The following CAST variants were observed in gnomAD, a reference collection of about 807,000 sequenced individuals.
CAST encodes the protein calpastatin, also known as MIR583 host.
CAST carries 76 observed loss-of-function variants against 119.6 expected under a neutral mutation model. That is an observed-to-expected ratio of 0.64 (90% CI 0.53 to 0.77). CAST has a LOEUF of 0.77. Among genes scored for constraint, CAST ranks in the 30% least tolerant of loss-of-function variants. The pLI, the probability that CAST is intolerant of heterozygous loss-of-function variation, is 0.00. For missense variants in CAST, 953 were observed against 946.5 expected, an observed-to-expected ratio of 1.01 and a Z score of -0.09; for synonymous variants, 319 against 331.6, an observed-to-expected ratio of 0.96 and a Z score of 0.41.
At chr5:96,541,486 G>A (rs1465790552) in intron 1 of CAST, among the ~76,000 whole-genome samples, 2 of 151,980 alleles carry the variant, frequency 1.3e-5, no homozygotes, top group African/African-American at 2.4e-5. Context: ...TTTTTAATTT[G>A]CATACATGAA....
chr5:96,371,078 G>T, the CAST span, among the ~76,000 whole-genome samples: 1 of 152,198 alleles, frequency 6.6e-6, no homozygotes, highest in Non-Finnish European at 1.5e-5. Flanking sequence ...GCAGACCCCA[G>T]TTACAAAGGA....
chr5:96,182,367 C>T, the CAST span, among the ~76,000 whole-genome samples: 3 of 152,198 alleles, frequency 2.0e-5, no homozygotes, highest in African/African-American at 7.2e-5. Context: ...GCATGAGTTT[C>T]CCCTTTGGAA....
intron 1 of CAST, among the ~76,000 whole-genome samples, chr5:96,589,180 A>G (rs1359602669): frequency 6.6e-6 from 1 of 152,164 alleles, no homozygotes; most frequent in Non-Finnish European, 1.5e-5. Flanking sequence ...CCCACTCTTC[A>G]ATTTATGTTC....
chr5:96,154,143 T>A, the CAST span, among the ~76,000 whole-genome samples: 1 of 151,952 alleles, frequency 6.6e-6, no homozygotes, highest in Non-Finnish European at 1.5e-5. Flanking sequence ...CCGGGTGTGG[T>A]GGCGGGTGCC....
chr5:96,626,197 A>T (rs564981676), intron 1 of CAST, among the ~76,000 whole-genome samples: 5 of 152,324 alleles, frequency 3.3e-5, no homozygotes, highest in Non-Finnish European at 7.4e-5. Context: ...AGGGGCCTGT[A>T]GCCTTTGGAG....
the CAST span, among the ~76,000 whole-genome samples, chr5:96,331,035 G>A: frequency 6.6e-6 from 1 of 151,680 alleles, no homozygotes; most frequent in South Asian, 2.1e-4. Context: ...AAATAATCTA[G>A]GACAACAGTT....
intron 27 of CAST, among the ~76,000 whole-genome samples, chr5:96,766,773 A>G: frequency 6.6e-6 from 1 of 152,348 alleles, no homozygotes; most frequent in African/African-American, 2.4e-5. Flanking sequence ...GATGATAAAT[A>G]ACCCTTTCCA....
chr5:96,218,360 C>T, the CAST span, among the ~76,000 whole-genome samples: 571 of 152,306 alleles, frequency 3.7e-3, 3 homozygotes, highest in African/African-American at 0.013. Flanking sequence ...GCAGAAGGGG[C>T]TGGCTGACAT....
the CAST span, among the ~76,000 whole-genome samples, chr5:96,006,138 A>T: frequency 5.3e-5 from 8 of 152,286 alleles, no homozygotes; most frequent in African/African-American, 1.7e-4. Context: ...TTGGATTATG[A>T]CTGTGCAAGT....
chr5:96,130,195 G>A, the CAST span, among the ~76,000 whole-genome samples: 1 of 151,740 alleles, frequency 6.6e-6, no homozygotes, highest in Non-Finnish European at 1.5e-5. Context: ...AAGTCATGTT[G>A]ATAGAATGTA....
At chr5:96,361,954 A>G in the CAST span, among the ~76,000 whole-genome samples, 2 of 151,284 alleles carry the variant, frequency 1.3e-5, no homozygotes, top group African/African-American at 2.4e-5. Context: ...CATTTACATT[A>G]GGTATATCTC....
the CAST span, among the ~76,000 whole-genome samples, chr5:96,229,812 C>T: frequency 6.6e-6 from 1 of 151,796 alleles, no homozygotes; most frequent in East Asian, 1.9e-4. Context: ...ATTCAAAATC[C>T]CTATGATCAT....
intron 1 of CAST, among the ~76,000 whole-genome samples, chr5:96,618,987 A>G (rs972299294): frequency 2.0e-5 from 3 of 152,066 alleles, no homozygotes; most frequent in African/African-American, 7.2e-5. Context: ...TGCACCAATC[A>G]GCACTCTGTA....
the CAST span, among the ~76,000 whole-genome samples, chr5:96,297,867 C>A: frequency 6.6e-6 from 1 of 152,110 alleles, no homozygotes; most frequent in Non-Finnish European, 1.5e-5. Context: ...ATATGCAGAA[C>A]AATTTCTAAA....
chr5:96,765,159 C>A, intron 25 of CAST, 62 bp from the exon 26 acceptor site: 2 of 930,128 alleles, frequency 2.2e-6, no homozygotes, highest in South Asian at 1.4e-5. Flanking sequence ...AGTTCCTGGG[C>A]TAATTTGCCT....
chr5:96,621,730 AGCAGGT>A (rs1747610423), intron 1 of CAST, among the ~76,000 whole-genome samples: 1 of 152,216 alleles, frequency 6.6e-6, no homozygotes, highest in African/African-American at 2.4e-5. Context: ...AAACCATATC[AGCAGGT>A]GCGGCAGTTT....
chr5:96,667,297 C>G (rs1282358242), intron 1 of CAST, among the ~76,000 whole-genome samples: 4 of 152,174 alleles, frequency 2.6e-5, no homozygotes, highest in African/African-American at 9.7e-5. Flanking sequence ...TTATTGTCCA[C>G]CTGCTGTGTG....
chr5:96,486,612 T>G, the CAST span, among the ~76,000 whole-genome samples: 1 of 152,214 alleles, frequency 6.6e-6, no homozygotes, highest in South Asian at 2.1e-4. Flanking sequence ...TCCCTCCAGC[T>G]GTCTCCTACC....
the CAST span, among the ~76,000 whole-genome samples, chr5:96,491,346 C>T: frequency 6.8e-6 from 1 of 148,002 alleles, no homozygotes; most frequent in African/African-American, 2.5e-5. Flanking sequence ...AAAAACTTAG[C>T]CGGGTGTGGT....
Sources: allele counts gnomAD v4.1 joint callset (sites outside exome capture counted in the v4.1 genomes callset), GRCh38; gene constraint gnomAD v4.1.1; transcripts MANE v1.5; gene names NCBI Gene and HGNC (gene_info 2026-07-23, HGNC 2026-07-21).